The following CHSY1 variants were observed in gnomAD, a reference collection of about 807,000 sequenced individuals.
CHSY1 encodes the protein N-acetylgalactosaminyl-proteoglycan 3-beta-glucuronosyltransferase 1.
CHSY1 carries 13 observed loss-of-function variants against 59.8 expected under a neutral mutation model. That is an observed-to-expected ratio of 0.22 (90% CI 0.14 to 0.35). The LOEUF is 0.35. Ranked by LOEUF, CHSY1 falls within the 10% of genes least tolerant of loss-of-function variation. The pLI, the probability that CHSY1 is intolerant of heterozygous loss-of-function variation, is 1.00. For synonymous variants in CHSY1, 459 were observed against 401.2 expected (o/e 1.14, Z -1.72); for missense variants, 947 against 1,030.6 (o/e 0.92, Z 1.11).
Position 101,235,184 on chromosome 15 carries a change from G to A in CHSY1, c.714C>T (p.His238=), listed in dbSNP as rs1271314708. ...SREVLRRMVP[H]IGKCLREMYT... is the part of the protein sequence containing the mutation. ...ACATCTCCCGGAGACACTTGCCAATGTGCGGCACCATTCTCCGAAGCACCT... is the reference window on the plus strand; with the variant it reads ...ACATCTCCCGGAGACACTTGCCAATATGCGGCACCATTCTCCGAAGCACCT... The change falls in exon 2 of 3, where the codon CAC becomes CAT. Residue 238 remains histidine, a synonymous_variant. Coordinates refer to ENST00000254190, the MANE Select transcript of CHSY1 (RefSeq NM_014918.5). 4.3e-6 allele frequency: 7 copies of A among 1,613,904 alleles called. No homozygotes were observed. Among genetic ancestry groups the A allele is most frequent in the Non-Finnish European group, 5.9e-6 (7 of 1,179,958 alleles).
At chr15:101,188,443 C>T (rs1435349623) in intron 2 of CHSY1, among the ~76,000 whole-genome samples, 1 of 152,178 alleles carries the variant, frequency 6.6e-6, no homozygotes, top group Non-Finnish European at 1.5e-5. Context: ...TCCAGACTCT[C>T]AGGACGCATG....
chr15:101,187,899 G>A (rs1567089044), intron 2 of CHSY1: 1 of 317,052 alleles, frequency 3.2e-6, no homozygotes, highest in East Asian at 1.7e-4. Context: ...AATCTGAGAG[G>A]GGCTAATACC....
Position 101,178,812 on chromosome 15 carries a change from G to C in CHSY1, c.985C>G (p.His329Asp). ...TCGCGGTGCAGCTGTATTGTGCGAT[G>C]GCGGAGCTCGGATATCTTGCGGCTC... ...MLSRKISELR[H>D]RTIQLHREIV... The change falls in exon 3 of 3, where the codon CAT becomes GAT. Residue 329 changes from histidine (H) to aspartate (D), a missense_variant. This residue lies in a region of CHSY1 where 602 missense variants were observed against 676.9 expected (regional missense o/e 0.89). Transcript: ENST00000254190. The C allele has an allele frequency of 6.2e-7, 1 of 1,614,196 alleles. No individual in the cohort carries two copies. Among genetic ancestry groups the C allele is most frequent in the South Asian group, 1.1e-5 (1 of 91,088 alleles).
chr15:101,189,127 G>A (rs757917077), intron 2 of CHSY1, among the ~76,000 whole-genome samples: 3 of 152,346 alleles, frequency 2.0e-5, no homozygotes, highest in East Asian at 1.9e-4. Context: ...AAACAAGCGC[G>A]AACACAAGAT....
chr15:101,195,540 G>T (rs374707323), intron 2 of CHSY1, among the ~76,000 whole-genome samples: 1 of 152,234 alleles, frequency 6.6e-6, no homozygotes, highest in African/African-American at 2.4e-5. Flanking sequence ...TTTAAAAGCT[G>T]GCCGGGTGTG....
chr15:101,234,606 C>G (rs1026672330), intron 2 of CHSY1, among the ~76,000 whole-genome samples: 1 of 152,320 alleles, frequency 6.6e-6, no homozygotes, highest in South Asian at 2.1e-4. Context: ...CCGTGGCTCA[C>G]GCCTGTAATC....
intron 1 of CHSY1, among the ~76,000 whole-genome samples, chr15:101,236,955 C>T (rs886325280): frequency 7.2e-5 from 11 of 151,922 alleles, no homozygotes; most frequent in Admixed American, 3.3e-4. Flanking sequence ...GGCAGTGGCT[C>T]ATGCCTGTAA....
At chr15:101,227,860 A>C (rs1022631801) in intron 2 of CHSY1, among the ~76,000 whole-genome samples, 5 of 152,246 alleles carry the variant, frequency 3.3e-5, no homozygotes, top group African/African-American at 1.2e-4. Flanking sequence ...CACATACAAA[A>C]AAAATACACT....
intron 1 of CHSY1, among the ~76,000 whole-genome samples, chr15:101,237,475 G>A (rs1274306724): frequency 6.6e-6 from 1 of 152,178 alleles, no homozygotes; most frequent in Non-Finnish European, 1.5e-5. Flanking sequence ...AAGAGACAAC[G>A]GTTGCCCATC....
At chr15:101,198,847 G>T (rs1345946339) in intron 2 of CHSY1, among the ~76,000 whole-genome samples, 3 of 152,178 alleles carry the variant, frequency 2.0e-5, no homozygotes, top group Non-Finnish European at 1.5e-5. Context: ...GAGCAGCTGG[G>T]AGCGAGATCC....
At chr15:101,204,715 C>A (rs1352759863) in intron 2 of CHSY1, among the ~76,000 whole-genome samples, 1 of 151,570 alleles carries the variant, frequency 6.6e-6, no homozygotes. Context: ...ACCAGCCTGA[C>A]TGACATAATG....
chr15:101,220,975 G>A lies in CHSY1; in HGVS notation c.816+14107C>T, dbSNP rs2038782702. 5.3e-5 allele frequency among the ~76,000 whole-genome samples: 8 copies of A among 152,018 alleles called. 1 individual carries two copies. The South Asian group carries it at 1.7e-3, about 32-fold the overall frequency. Reference sequence around the variant, plus strand: ...TATTGCTTCAGACTCAGTGCCACCTGCGAGCAGCCCTGTCCCTCCATCAGT... The same window carrying A: ...TATTGCTTCAGACTCAGTGCCACCTACGAGCAGCCCTGTCCCTCCATCAGT... On this transcript the variant is annotated intron_variant, in intron 2 of 2. Transcript: ENST00000254190.
At chr15:101,200,321 C>T (rs1373360066) in intron 2 of CHSY1, among the ~76,000 whole-genome samples, 1 of 152,204 alleles carries the variant, frequency 6.6e-6, no homozygotes, top group East Asian at 1.9e-4. Context: ...TGCAGTCCTA[C>T]TGCATTTCAC....
intron 2 of CHSY1, among the ~76,000 whole-genome samples, chr15:101,179,824 C>A (rs766759719): frequency 1.3e-5 from 2 of 152,220 alleles, no homozygotes; most frequent in African/African-American, 4.8e-5. Context: ...CATAAGCTTA[C>A]GGGCCATCAG....
intron 1 of CHSY1, among the ~76,000 whole-genome samples, chr15:101,248,497 T>C (rs545570911): frequency 1.3e-5 from 2 of 152,324 alleles, no homozygotes; most frequent in African/African-American, 4.8e-5. Context: ...GTGAGAGAGC[T>C]GGAGTGACAT....
At chr15:101,213,229 A>G (rs954486004) in intron 2 of CHSY1, among the ~76,000 whole-genome samples, 14 of 151,254 alleles carry the variant, frequency 9.3e-5, no homozygotes, top group African/African-American at 3.2e-4. Flanking sequence ...GGAAACACAC[A>G]CACTTGACAA....
At chr15:101,217,279 A>ACTATCAATTCATG (rs565686988) in intron 2 of CHSY1, among the ~76,000 whole-genome samples, 1 of 152,216 alleles carries the variant, frequency 6.6e-6, no homozygotes. Context: ...TGGAGACATC[A>ACTATCAATTCATG]CTATCAATTC....
At chr15:101,250,797 G>A (rs907664042) in intron 1 of CHSY1, among the ~76,000 whole-genome samples, 1 of 152,222 alleles carries the variant, frequency 6.6e-6, no homozygotes, top group African/African-American at 2.4e-5. Flanking sequence ...TGTGCTATGA[G>A]TTTTCCAACA....
intron 1 of CHSY1, among the ~76,000 whole-genome samples, chr15:101,242,255 AG>A (rs1216153714): frequency 6.6e-6 from 1 of 152,208 alleles, no homozygotes; most frequent in Non-Finnish European, 1.5e-5. Context: ...CCCTTACGCA[AG>A]GAACGAAAGG....
Sources: gnomAD v4.1 joint callset for allele counts (sites outside exome capture counted in the v4.1 genomes callset) on GRCh38, gnomAD v4.1.1 for gene constraint, gnomAD v4.1.1 regional missense constraint, MANE v1.5 for transcripts, NCBI Gene and HGNC (gene_info 2026-07-23, HGNC 2026-07-21) for gene names.